Variants in PARD3B observed in about 807,000 individuals in gnomAD.
PARD3B encodes the protein par-3 family cell polarity regulator beta, also known as partitioning defective 3 homolog B.
PARD3B carries 103 observed loss-of-function variants against 130.2 expected under a neutral mutation model. The observed-to-expected ratio is 0.79, with a 90% CI of 0.67 to 0.93. The LOEUF (loss-of-function observed/expected upper bound fraction) is 0.93. PARD3B is among the 40% of genes least tolerant of loss of function. The pLI is 0.00. For synonymous variants in PARD3B, 583 were observed against 553.2 expected (o/e 1.05, Z -0.76); for missense variants, 1,609 against 1,499.2 (o/e 1.07, Z -1.21).
In PARD3B at chr2:204,669,020, T is replaced by G. The variant is rs2036157451; in HGVS notation, c.121-17161T>G. 6.6e-6 allele frequency among the ~76,000 whole-genome samples: 1 copy of G among 152,156 alleles called. No homozygotes were observed. Among genetic ancestry groups the G allele is most frequent in the Non-Finnish European group, 1.5e-5 (1 of 68,024 alleles). On this transcript the variant is annotated intron_variant, in intron 1 of 22. Transcript: ENST00000406610. The surrounding 1 kb of genome is among the most constrained non-coding windows in gnomAD (Gnocchi z 4.3). ...AAAAAGCAAGTTAATGAATCCTCCC[T>G]TGGAGCCTCCAGAAAGGAATTCAGG...
At chr2:204,716,431 A>G (rs2038729656) in intron 2 of PARD3B, among the ~76,000 whole-genome samples, 1 of 152,062 alleles carries the variant, frequency 6.6e-6, no homozygotes, top group Non-Finnish European at 1.5e-5. Flanking sequence ...TTATACTGCC[A>G]TCTTGGAATG....
rs1442446756 is a variant in PARD3B, at chr2:204,799,883, T to G, written c.222+113601T>G. Among the ~76,000 whole-genome samples the G allele has an allele frequency of 6.6e-6, 1 of 152,176 alleles. No individual in the cohort carries two copies. The highest frequency in any genetic ancestry group is 1.5e-5 in the Non-Finnish European group (1 of 68,038). On this transcript the variant is annotated intron_variant, in intron 2 of 22. Transcript: ENST00000406610. The surrounding 1 kb of genome is among the most constrained non-coding windows in gnomAD (Gnocchi z 4.1). Reference sequence around the variant, plus strand: ...TATCACAGCATCAGTTCCCTTGGAATACTTGGTAAGCCTTCCTAAGAAGGG... The same window carrying G: ...TATCACAGCATCAGTTCCCTTGGAAGACTTGGTAAGCCTTCCTAAGAAGGG...
chr2:205,583,740 A>G (rs921217072), intron 22 of PARD3B, among the ~76,000 whole-genome samples: 5 of 152,324 alleles, frequency 3.3e-5, no homozygotes, highest in African/African-American at 4.8e-5. Context: ...GACGAATTGG[A>G]ACAACCATTT....
intron 2 of PARD3B, among the ~76,000 whole-genome samples, chr2:204,889,940 C>G (rs893079270): frequency 1.3e-5 from 2 of 152,228 alleles, no homozygotes; most frequent in African/African-American, 4.8e-5. Context: ...GCATTCTAAT[C>G]AGTTACCCAG....
intron 2 of PARD3B, among the ~76,000 whole-genome samples, chr2:204,717,756 G>A (rs1450980417): frequency 6.6e-6 from 1 of 152,190 alleles, no homozygotes; most frequent in Non-Finnish European, 1.5e-5. Flanking sequence ...TATCTGGAGA[G>A]ATGGCCAGGA....
At chr2:204,883,587 A>G (rs1052102820) in intron 2 of PARD3B, among the ~76,000 whole-genome samples, 7 of 149,996 alleles carry the variant, frequency 4.7e-5, no homozygotes, top group Non-Finnish European at 8.9e-5. Flanking sequence ...AGCTGGGACT[A>G]CAGGTGTCCG....
chr2:204,850,238 T>G (rs1378876306), intron 2 of PARD3B, among the ~76,000 whole-genome samples: 2 of 152,218 alleles, frequency 1.3e-5, no homozygotes, highest in Non-Finnish European at 2.9e-5. Flanking sequence ...ATGATATTCC[T>G]GTTTTGTTAC....
intron 3 of PARD3B, among the ~76,000 whole-genome samples, chr2:205,008,003 G>A (rs1166966157): frequency 6.6e-6 from 1 of 152,096 alleles, no homozygotes; most frequent in African/African-American, 2.4e-5. Flanking sequence ...GTTGTTGTTG[G>A]TGTATAGCAG....
chr2:204,603,317 G>T (rs573764747), intron 1 of PARD3B, among the ~76,000 whole-genome samples: 4 of 152,120 alleles, frequency 2.6e-5, no homozygotes, highest in African/African-American at 9.6e-5. Flanking sequence ...GTATTAGAAA[G>T]ACTTTATTTT....
intron 7 of PARD3B, among the ~76,000 whole-genome samples, chr2:205,119,447 T>C (rs769142388): frequency 5.3e-5 from 8 of 152,102 alleles, no homozygotes; most frequent in Non-Finnish European, 4.4e-5. Context: ...GAGAGATGTC[T>C]GAGGACTCAC....
At chr2:204,978,160 G>T (rs1276090537) in intron 3 of PARD3B, among the ~76,000 whole-genome samples, 2 of 152,168 alleles carry the variant, frequency 1.3e-5, no homozygotes, top group Admixed American at 1.3e-4. Flanking sequence ...CCAGAACAGG[G>T]CATAGAAGAC....
chr2:205,118,730 G>A (rs939421084), intron 6 of PARD3B, among the ~76,000 whole-genome samples, 191 bp from the exon 7 acceptor site: 4 of 152,104 alleles, frequency 2.6e-5, no homozygotes, highest in Non-Finnish European at 5.9e-5. Flanking sequence ...TTATCTAGAA[G>A]GGCTTTTTCT....
At chr2:204,792,773 A>T (rs917842047) in intron 2 of PARD3B, among the ~76,000 whole-genome samples, 2 of 152,194 alleles carry the variant, frequency 1.3e-5, no homozygotes, top group Non-Finnish European at 2.9e-5. Context: ...TTTCTAATGC[A>T]GAGAGTTTAT....
In PARD3B at chr2:204,875,315, G is replaced by C. The variant is rs1156855711; in HGVS notation, c.223-89837G>C. ...TTGTATATTCTTTATCAAAGTCCTA[G>C]TAAACAGCTCTCTCGGCTTTATATC... On this transcript the variant is annotated intron_variant, in intron 2 of 22. Transcript: ENST00000406610. Among the ~76,000 whole-genome samples the C allele has an allele frequency of 2.0e-5, 3 of 152,114 alleles. No homozygotes were observed. The East Asian group carries it at 5.8e-4, about 29-fold the overall frequency.
At chr2:204,965,950 C>T (rs1471683906) in intron 3 of PARD3B, among the ~76,000 whole-genome samples, 1 of 152,094 alleles carries the variant, frequency 6.6e-6, no homozygotes, top group African/African-American at 2.4e-5. Context: ...AAATTTAGCT[C>T]AATTTAACTG....
chr2:204,797,675 A>AT (rs1208962088), intron 2 of PARD3B, among the ~76,000 whole-genome samples: 1 of 152,228 alleles, frequency 6.6e-6, no homozygotes, highest in Non-Finnish European at 1.5e-5. Flanking sequence ...TGTAAAATAC[A>AT]TATATTTTAT....
intron 16 of PARD3B, among the ~76,000 whole-genome samples, chr2:205,284,824 T>C (rs775602233): frequency 6.6e-6 from 1 of 152,178 alleles, no homozygotes. Flanking sequence ...AACATTTATT[T>C]TTCCCCCCAT....
rs2053187714 is a variant in PARD3B at position 205,562,845 on chromosome 2, C to T, written c.3260+9442C>T. On this transcript the variant is annotated intron_variant, in intron 22 of 22. Transcript: ENST00000406610. The surrounding 1 kb of genome is among the most constrained non-coding windows in gnomAD (Gnocchi z 5.4). ...CACTGTCTTTCTGCACCTACCTCCTCCTGTCTTCTCTGACTCCAGCCATTT... is the reference window on the plus strand; with the variant it reads ...CACTGTCTTTCTGCACCTACCTCCTTCTGTCTTCTCTGACTCCAGCCATTT... Among the ~76,000 whole-genome samples, 1 of 152,188 alleles carries T rather than the reference C, an allele frequency of 6.6e-6. No homozygotes were observed. Among genetic ancestry groups the T allele is most frequent in the African/African-American group, 2.4e-5 (1 of 41,444 alleles).
intron 1 of PARD3B, among the ~76,000 whole-genome samples, chr2:204,648,647 T>TTTATA (rs2035362875): frequency 2.6e-5 from 3 of 116,230 alleles, no homozygotes; most frequent in East Asian, 2.2e-4. Flanking sequence ...ATATATTATA[T>TTTATA]ATATAATATA....
Sources: gnomAD v4.1 joint callset for allele counts (sites outside exome capture counted in the v4.1 genomes callset) on GRCh38, gnomAD v4.1.1 for gene constraint, Gnocchi (gnomAD v3.1) non-coding constraint, MANE v1.5 for transcripts, NCBI Gene and HGNC (gene_info 2026-07-23, HGNC 2026-07-21) for gene names.